The following CDC42BPB variants were observed in gnomAD, a reference collection of about 807,000 sequenced individuals.
CDC42BPB encodes serine/threonine-protein kinase MRCK beta.
In CDC42BPB, 37 loss-of-function variants were observed where a neutral mutation model predicts 214.9. The ratio of observed to expected loss-of-function variants is 0.17; its 90% CI spans 0.13 to 0.23. The LOEUF (loss-of-function observed/expected upper bound fraction) is 0.23, where lower values mean the gene tolerates loss of function less well. Among genes scored for constraint, CDC42BPB ranks in the 10% least tolerant of loss-of-function variants. The pLI is 1.00. For synonymous variants in CDC42BPB, 931 were observed against 884.0 expected (o/e 1.05, Z -0.94); for missense variants, 1,694 against 2,227.0 (o/e 0.76, Z 4.82).
chr14:102,933,579 T>C lies in CDC42BPB; in HGVS notation c.*133A>G, dbSNP rs1891493909. ...AAACTGATCAATATTATAATAAAGA[T>C]TTGTCTTCTTCATCTCCATATCTAC... On this transcript the variant is annotated 3_prime_UTR_variant, in exon 37 of 37. Transcript: ENST00000361246. The C allele has an allele frequency of 2.9e-6, 2 of 699,436 alleles. No individual in the cohort carries two copies. Among genetic ancestry groups the C allele is most frequent in the Non-Finnish European group, 2.1e-6 (1 of 468,448 alleles). 43.3% of individuals were successfully genotyped at this position (699,436 alleles called of 1,614,324 possible). A position where few individuals can be genotyped will look rare whatever the true frequency, so the allele number is the denominator to read the frequency against.
At chr14:103,056,730 G>A (rs566140879) in intron 1 of CDC42BPB, among the ~76,000 whole-genome samples, 9 of 152,194 alleles carry the variant, frequency 5.9e-5, no homozygotes, top group Admixed American at 5.9e-4. Flanking sequence ...AGGATGAGGG[G>A]GCGGGACGAT....
intron 1 of CDC42BPB, among the ~76,000 whole-genome samples, chr14:103,037,753 G>A (rs1595177873): frequency 6.6e-6 from 1 of 152,114 alleles, no homozygotes; most frequent in African/African-American, 2.4e-5. Flanking sequence ...ATTTTAGGCC[G>A]GGCGTGGTGG....
rs368756050 is a variant in CDC42BPB, at chr14:102,968,527, G to A, written c.2185C>T (p.Leu729=). The part of the protein sequence containing the change: ...VHDSESHQLA[L]QKEILMLKDK... Reference sequence around the variant, plus strand: ...TTTAACATCAAGATTTCTTTCTGCAGGGCCAGCTGGTGGCTTTCTGAATCA... The same window carrying A: ...TTTAACATCAAGATTTCTTTCTGCAAGGCCAGCTGGTGGCTTTCTGAATCA... Residue 729 remains leucine (L), a synonymous_variant, in exon 15 of 37, where the codon CTG becomes TTG. Coordinates refer to ENST00000361246, the MANE Select transcript of CDC42BPB (RefSeq NM_006035.4). The A allele has an allele frequency of 2.5e-6, 4 of 1,614,022 alleles. No individual in the cohort carries two copies. The highest frequency in any genetic ancestry group is 2.5e-6 in the Non-Finnish European group (3 of 1,180,044).
Position 102,943,897 on chromosome 14 carries a change from C to A in CDC42BPB, c.4402G>T (p.Ala1468Ser), listed in dbSNP as rs546461837. 1.2e-6 allele frequency: 2 copies of A among 1,606,404 alleles called. No homozygotes were observed. The highest frequency in any genetic ancestry group is 4.5e-5 in the East Asian group (2 of 44,736). Reference protein sequence around the residue: ...QELMWPAAPVACSCSPTHVTV... With the variant: ...QELMWPAAPVSCSCSPTHVTV... ...ACAGAAAACATATACATACTACAGG[C>A]GACAGGAGCCGCAGGCCACATGAGC... Residue 1468 changes from alanine to serine, a missense_variant, in exon 30 of 37, where the codon GCC (alanine) becomes TCC (serine). This residue lies in a region of CDC42BPB where 567 missense variants were observed against 790.3 expected (regional missense o/e 0.72). Transcript: ENST00000361246. This position sits in a 1 kb window ranked among gnomAD's most constrained non-coding sequence, Gnocchi z 4.6.
chr14:102,976,402 G>C (rs1249536721), intron 9 of CDC42BPB, among the ~76,000 whole-genome samples: 2 of 152,238 alleles, frequency 1.3e-5, no homozygotes, highest in Non-Finnish European at 2.9e-5. Context: ...TCAGCGGTAC[G>C]CATGGACCAC....
intron 1 of CDC42BPB, among the ~76,000 whole-genome samples, chr14:103,056,262 T>C (rs544366190): frequency 2.0e-4 from 31 of 152,060 alleles, no homozygotes; most frequent in South Asian, 6.2e-4. Flanking sequence ...TCTAGCAGAA[T>C]TGGAATTAAA....
chr14:102,977,433 A>C (rs1049203390), intron 9 of CDC42BPB, among the ~76,000 whole-genome samples: 29 of 151,914 alleles, frequency 1.9e-4, no homozygotes, highest in African/African-American at 6.5e-4. Context: ...GCCAGGAATC[A>C]GATTCTGTGG....
intron 27 of CDC42BPB, 87 bp downstream of exon 27, chr14:102,947,634 C>G: frequency 8.3e-7 from 1 of 1,203,304 alleles, no homozygotes; most frequent in East Asian, 2.3e-5. Flanking sequence ...TGGAGGTGCG[C>G]TGATGGCTGC....
intron 28 of CDC42BPB, among the ~76,000 whole-genome samples, 170 bp from the exon 29 acceptor site, chr14:102,945,894 C>T (rs573184824): frequency 3.9e-5 from 6 of 152,374 alleles, no homozygotes; most frequent in Non-Finnish European, 5.9e-5. Context: ...TCTCTCTACA[C>T]GAACTCCACA....
In CDC42BPB at chr14:103,002,792, A is replaced by G. The variant is rs34866649; in HGVS notation, c.447+1136T>C. Among the ~76,000 whole-genome samples the G allele has an allele frequency of 9.0e-3, 1,374 of 152,284 alleles. 22 individuals carry two copies. Among genetic ancestry groups the G allele is most frequent in the African/African-American group, 0.031 (1,283 of 41,554 alleles). The stretch of plus-strand genomic sequence containing the variant: ...GTGGAATCACTGGGTCGTTGGGAAG[A>G]CGGACGGGGACCCCTGTGGGCCTGA... On this transcript the variant is annotated intron_variant, in intron 4 of 36. Transcript: ENST00000361246.
In CDC42BPB at chr14:102,967,758, T is replaced by C. The variant is rs569215048; in HGVS notation, c.2346+495A>G. Among the ~76,000 whole-genome samples, 9 of 152,354 alleles carry C rather than the reference T, an allele frequency of 5.9e-5. No individual in the cohort carries two copies. The South Asian group carries it at 1.2e-3, about 21-fold the overall frequency. On this transcript the variant is annotated intron_variant, in intron 16 of 36. Transcript: ENST00000361246. The stretch of plus-strand genomic sequence containing the variant: ...CGCCTGTTGTACACACAGTCTATCA[T>C]TGATGGAAGCATCGTTATATGGCAC...
intron 3 of CDC42BPB, among the ~76,000 whole-genome samples, chr14:103,007,737 G>A (rs1885918763): frequency 6.6e-6 from 1 of 152,190 alleles, no homozygotes; most frequent in Admixed American, 6.5e-5. Flanking sequence ...AGTGCCTTCT[G>A]GCAGAGGCGG....
At chr14:102,966,871 C>A (rs537572464) in intron 17 of CDC42BPB, among the ~76,000 whole-genome samples, 175 bp downstream of exon 17, 1 of 152,274 alleles carries the variant, frequency 6.6e-6, no homozygotes, top group South Asian at 2.1e-4. Context: ...ACCTCTATTC[C>A]AACAGAACCA....
At position 102,999,627 on chromosome 14, in the gene CDC42BPB, C is replaced by T. The variant is rs1384363702; in HGVS notation, c.534G>A (p.Arg178=). The change falls in exon 5 of 37, where the codon AGG becomes AGA. Residue 178 remains arginine (R), a synonymous_variant. Coordinates refer to ENST00000361246, the MANE Select transcript of CDC42BPB (RefSeq NM_006035.4). ...CCAGCACCATTTCACCAATGTAGAA[C>T]CTCGCCATATCTTCCGGAAGCTTGT... ...FEDKLPEDMA[R]FYIGEMVLAI... 1 of 1,614,164 alleles carries T rather than the reference C, an allele frequency of 6.2e-7. No homozygotes were observed. Among genetic ancestry groups the T allele is most frequent in the South Asian group, 1.1e-5 (1 of 91,082 alleles).
intron 1 of CDC42BPB, among the ~76,000 whole-genome samples, chr14:103,027,793 C>G (rs1216105678): frequency 2.0e-5 from 3 of 152,174 alleles, no homozygotes; most frequent in East Asian, 1.9e-4. Flanking sequence ...GCGGTGAGAG[C>G]TGCACAAATG....
At chr14:102,937,419 C>T (rs1218939409) in intron 36 of CDC42BPB, among the ~76,000 whole-genome samples, 2 of 152,268 alleles carry the variant, frequency 1.3e-5, no homozygotes, top group African/African-American at 2.4e-5. Context: ...TCTGCCCGTC[C>T]GTTCGGCAGC....
intron 21 of CDC42BPB, among the ~76,000 whole-genome samples, chr14:102,957,375 G>A (rs944160208): frequency 2.0e-5 from 3 of 152,044 alleles, no homozygotes; most frequent in African/African-American, 4.8e-5. Context: ...ACTTGCTACC[G>A]GGCCCTCTAC....
rs143564466 is a variant in CDC42BPB at position 102,944,248 on chromosome 14, G to T, written c.4051C>A (p.Leu1351Met). 3 of 1,613,144 alleles carry T rather than the reference G, an allele frequency of 1.9e-6. No homozygotes were observed. In the African/African-American group the frequency reaches 4.0e-5, roughly 22 times the overall value. ...CTCTGGATCTCATAGCAAAGGATCA[G>T]CCGTTTCACGGCCACAAACAGGCAG... ...GTCLFVAVKR[L>M]ILCYEIQRTK... Residue 1351 changes from leucine to methionine, a missense_variant, in exon 30 of 37, where the codon CTG becomes ATG. By Grantham distance (15) the Leu-to-Met change is conservative. Coordinates refer to ENST00000361246, the MANE Select transcript of CDC42BPB (RefSeq NM_006035.4). The surrounding 1 kb of genome is among the most constrained non-coding windows in gnomAD (Gnocchi z 6.6).
At chr14:103,046,589 A>T (rs886170526) in intron 1 of CDC42BPB, among the ~76,000 whole-genome samples, 1 of 152,228 alleles carries the variant, frequency 6.6e-6, no homozygotes, top group African/African-American at 2.4e-5. Context: ...TTAAACAAAG[A>T]AATGTGTCTA....
Sources: allele counts gnomAD v4.1 joint callset (sites outside exome capture counted in the v4.1 genomes callset), GRCh38; gene constraint gnomAD v4.1.1; regional missense constraint gnomAD v4.1.1; non-coding constraint Gnocchi (gnomAD v3.1); transcripts MANE v1.5; gene names NCBI Gene and HGNC (gene_info 2026-07-23, HGNC 2026-07-21).